The following SMYD3 variants were observed in gnomAD, a reference collection of about 807,000 sequenced individuals.
SMYD3 encodes the protein histone-lysine N-methyltransferase SMYD3.
Under a neutral mutation model 57.7 loss-of-function variants are expected in SMYD3, and 36 were observed. The observed-to-expected ratio is 0.62, with a 90% CI of 0.48 to 0.82. The LOEUF is 0.82. SMYD3 is among the 40% of genes least tolerant of loss of function. SMYD3 has a pLI of 0.00. For missense variants in SMYD3, 515 were observed against 538.8 expected (o/e 0.96, Z 0.44); for synonymous variants, 211 against 195.0 (o/e 1.08, Z -0.68).
At chr1:246,247,952 C>A (rs2063735223) in intron 5 of SMYD3, among the ~76,000 whole-genome samples, 1 of 152,160 alleles carries the variant, frequency 6.6e-6, no homozygotes, top group African/African-American at 2.4e-5. Context: ...TGAGAACATA[C>A]CCTTTCCTGC....
intron 5 of SMYD3, among the ~76,000 whole-genome samples, chr1:246,299,194 T>C (rs79060058): frequency 0.026 from 3,936 of 152,204 alleles, 67 homozygotes; most frequent in African/African-American, 0.033. Flanking sequence ...AATAGCGTAC[T>C]GGTTCATTAA....
intron 5 of SMYD3, chr1:245,988,608 TG>T (rs1156277877): frequency 6.6e-6 from 1 of 152,264 alleles, no homozygotes; most frequent in Non-Finnish European, 1.5e-5. Context: ...CCCACTGACA[TG>T]GCCACGTCCT....
At position 245,894,985 on chromosome 1, in the gene SMYD3, GAGA is replaced by G. The variant is rs1417725516; in HGVS notation, c.813+20542_813+20544del. Among the ~76,000 whole-genome samples the G allele has an allele frequency of 6.6e-5, 10 of 152,368 alleles. No individual in the cohort carries two copies. In the South Asian group the frequency reaches 8.3e-4, roughly 13 times the overall value. Reference sequence around the variant, plus strand: ...CTGCCTGTCCTCTGGGGAGAAGGCAGAGAAGAAGTGCCACATCCTGTGATGTGG... The same window carrying G: ...CTGCCTGTCCTCTGGGGAGAAGGCAGAGAAGTGCCACATCCTGTGATGTGG... On this transcript the variant is annotated intron_variant, in intron 8 of 11. Coordinates refer to ENST00000490107, the MANE Select transcript of SMYD3 (RefSeq NM_001167740.2).
intron 4 of SMYD3, among the ~76,000 whole-genome samples, chr1:246,327,935 T>G (rs1327799031): frequency 6.6e-6 from 1 of 152,196 alleles, no homozygotes; most frequent in Non-Finnish European, 1.5e-5. Flanking sequence ...GACTCACGCC[T>G]GTAACCCCAA....
chr1:246,307,855 C>A (rs1422290503), intron 5 of SMYD3, among the ~76,000 whole-genome samples: 1 of 152,140 alleles, frequency 6.6e-6, no homozygotes, highest in Non-Finnish European at 1.5e-5. Context: ...AAAACAGGCA[C>A]GTCCGTCAAG....
chr1:246,224,867 T>C (rs1238011430), intron 5 of SMYD3, among the ~76,000 whole-genome samples: 1 of 151,804 alleles, frequency 6.6e-6, no homozygotes, highest in Non-Finnish European at 1.5e-5. Flanking sequence ...GGGGTAATTA[T>C]TGAGGTGGGA....
intron 1 of SMYD3, among the ~76,000 whole-genome samples, chr1:246,439,193 C>T (rs748493888): frequency 6.6e-6 from 1 of 151,542 alleles, no homozygotes; most frequent in Non-Finnish European, 1.5e-5. Flanking sequence ...AACTCCTGGG[C>T]TCAAGCAATC....
At chr1:245,953,577 G>C (rs1001504357) in intron 5 of SMYD3, among the ~76,000 whole-genome samples, 1 of 152,012 alleles carries the variant, frequency 6.6e-6, no homozygotes, top group Non-Finnish European at 1.5e-5. Context: ...CTGACACCAC[G>C]TCTGGCTAAT....
intron 5 of SMYD3, among the ~76,000 whole-genome samples, chr1:246,240,888 T>A (rs1455547215): frequency 1.3e-5 from 2 of 151,918 alleles, no homozygotes; most frequent in Admixed American, 1.3e-4. Flanking sequence ...TTTGGCTCTC[T>A]GTTTGTCTGT....
chr1:246,458,258 A>G (rs1238739788), intron 1 of SMYD3, among the ~76,000 whole-genome samples: 21 of 152,138 alleles, frequency 1.4e-4, no homozygotes, highest in Non-Finnish European at 1.5e-5. Flanking sequence ...GTCAAAAGGC[A>G]AAGTATTCAG....
At chr1:245,839,250 A>G (rs1232308710) in intron 10 of SMYD3, among the ~76,000 whole-genome samples, 2 of 152,170 alleles carry the variant, frequency 1.3e-5, no homozygotes, top group Admixed American at 6.5e-5. Flanking sequence ...GCTCACTGCA[A>G]GCTCCGCCTC....
intron 8 of SMYD3, among the ~76,000 whole-genome samples, chr1:245,905,239 C>T (rs1331270949): frequency 6.6e-6 from 1 of 152,016 alleles, no homozygotes; most frequent in African/African-American, 2.4e-5. Flanking sequence ...AGGGACTCAA[C>T]TACCAACATC....
chr1:246,414,716 G>GT (rs1363143626), intron 1 of SMYD3, among the ~76,000 whole-genome samples: 20 of 43,994 alleles, frequency 4.5e-4, no homozygotes, highest in African/African-American at 1.4e-3. Flanking sequence ...TTTTTTTGCT[G>GT]GTTTTTTTTT....
intron 10 of SMYD3, among the ~76,000 whole-genome samples, chr1:245,817,798 T>C (rs370134495): frequency 2.0e-5 from 3 of 151,736 alleles, no homozygotes; most frequent in Admixed American, 6.6e-5. Flanking sequence ...AGGGTATCAG[T>C]GATGGAAGAT....
intron 5 of SMYD3, among the ~76,000 whole-genome samples, chr1:246,069,529 T>C (rs2060405886): frequency 6.6e-6 from 1 of 152,208 alleles, no homozygotes. Context: ...TAAACATAAG[T>C]TCCTAAATGC....
At position 245,993,416 on chromosome 1, in the gene SMYD3, G is replaced by GA. The variant is rs573758349; in HGVS notation, c.532-63480dup. Among the ~76,000 whole-genome samples the GA allele has an allele frequency of 4.1e-3, 622 of 152,242 alleles. 1 individual carries two copies. The highest frequency in any genetic ancestry group is 6.8e-3 in the Middle Eastern group (2 of 294). On this transcript the variant is annotated intron_variant, in intron 5 of 11. Transcript: ENST00000490107. Reference sequence around the variant, plus strand: ...TCATCAGCAATACTAAACTTTAAAAGAAGAAACCACGTTTAAAAAATTGGT... The same window carrying GA: ...TCATCAGCAATACTAAACTTTAAAAGAAAGAAACCACGTTTAAAAAATTGGT...
chr1:246,086,555 CTTTTTA>C (rs1310011563), intron 5 of SMYD3, among the ~76,000 whole-genome samples: 6 of 147,388 alleles, frequency 4.1e-5, no homozygotes, highest in Non-Finnish European at 6.0e-5. Context: ...GTACTTGATG[CTTTTTA>C]TTTTTATTTT....
chr1:246,136,981 G>GGGAACAGTAGGCAGAGGATAA (rs1166330235), intron 5 of SMYD3, among the ~76,000 whole-genome samples: 1 of 152,176 alleles, frequency 6.6e-6, no homozygotes. Context: ...AGATCATTCA[G>GGGAACAGTAGGCAGAGGATAA]GGAACAGTAG....
intron 5 of SMYD3, among the ~76,000 whole-genome samples, chr1:246,012,578 G>A (rs1226970280): frequency 1.3e-5 from 2 of 152,204 alleles, no homozygotes; most frequent in Non-Finnish European, 2.9e-5. Flanking sequence ...ATGTTCCTAT[G>A]TAGTAAATGC....
Sources: gnomAD v4.1 joint callset for allele counts (sites outside exome capture counted in the v4.1 genomes callset) on GRCh38, gnomAD v4.1.1 for gene constraint, MANE v1.5 for transcripts, NCBI Gene and HGNC (gene_info 2026-07-23, HGNC 2026-07-21) for gene names.